Variants in QKI observed in about 807,000 individuals in gnomAD.
QKI encodes the protein QKI, KH domain containing RNA binding.
QKI carries 10 observed loss-of-function variants against 39.0 expected under a neutral mutation model. The ratio of observed to expected loss-of-function variants is 0.26; its 90% CI spans 0.16 to 0.43. The LOEUF is 0.43. Ranked by LOEUF, QKI falls within the 20% of genes least tolerant of loss-of-function variation. The pLI, the probability that QKI is intolerant of heterozygous loss-of-function variation, is 1.00. For synonymous variants in QKI, 204 were observed against 155.4 expected, an observed-to-expected ratio of 1.31 and a Z score of -2.33; for missense variants, 218 against 428.0, an observed-to-expected ratio of 0.51 and a Z score of 4.33.
chr6:163,483,512 C>G (rs1793240981), intron 3 of QKI, among the ~76,000 whole-genome samples: 1 of 152,142 alleles, frequency 6.6e-6, no homozygotes, highest in African/African-American at 2.4e-5. Context: ...GTCATTTCAA[C>G]AGTGTTCACT....
At chr6:163,489,304 G>A (rs1280701697) in intron 3 of QKI, among the ~76,000 whole-genome samples, 3 of 151,978 alleles carry the variant, frequency 2.0e-5, no homozygotes, top group African/African-American at 7.2e-5. Context: ...GTCTTAGGGT[G>A]ATGGTTTGCG....
intron 3 of QKI, among the ~76,000 whole-genome samples, chr6:163,516,225 G>A (rs1235335468): frequency 6.6e-6 from 1 of 152,154 alleles, no homozygotes; most frequent in Non-Finnish European, 1.5e-5. Context: ...ACCCCTCAGT[G>A]TCTACCTGTT....
intron 3 of QKI, among the ~76,000 whole-genome samples, chr6:163,493,389 A>G (rs774055403): frequency 6.6e-6 from 1 of 152,194 alleles, no homozygotes; most frequent in Non-Finnish European, 1.5e-5. Context: ...TCGGCCTCCC[A>G]AAGTGCTGGA....
At chr6:163,530,302 C>T (rs967099777) in intron 3 of QKI, among the ~76,000 whole-genome samples, 7 of 152,184 alleles carry the variant, frequency 4.6e-5, no homozygotes, top group Non-Finnish European at 1.0e-4. Flanking sequence ...CTTATTTCAA[C>T]CTTTTCTTTG....
chr6:163,540,639 GT>G (rs1562526011), intron 4 of QKI, among the ~76,000 whole-genome samples: 1 of 152,042 alleles, frequency 6.6e-6, no homozygotes, highest in Non-Finnish European at 1.5e-5. Context: ...AGTAATAAGG[GT>G]TTTGAGATAA....
intron 3 of QKI, among the ~76,000 whole-genome samples, chr6:163,519,680 C>T (rs540989773): frequency 1.3e-5 from 2 of 151,598 alleles, no homozygotes; most frequent in African/African-American, 2.4e-5. Flanking sequence ...TGTCTATGGT[C>T]GTTTTCAAAA....
chr6:163,424,517 T>G (rs1788259164), intron 1 of QKI, among the ~76,000 whole-genome samples: 1 of 152,234 alleles, frequency 6.6e-6, no homozygotes, highest in Non-Finnish European at 1.5e-5. Flanking sequence ...AACCTCAAGC[T>G]TCTTCATCTG....
At chr6:163,506,970 G>T (rs1779139093) in intron 3 of QKI, among the ~76,000 whole-genome samples, 1 of 152,102 alleles carries the variant, frequency 6.6e-6, no homozygotes, top group Admixed American at 6.5e-5. Context: ...CAAGCACATA[G>T]CTGTAAGCAA....
intron 7 of QKI, chr6:163,568,611 T>C (rs1783517971): frequency 1.0e-6 from 1 of 977,308 alleles, no homozygotes; most frequent in African/African-American, 1.8e-5. Context: ...ACTACTGTTT[T>C]CTCTATTTTT....
chr6:163,564,893 G>GT (rs559469858), intron 6 of QKI: 87 of 1,367,486 alleles, frequency 6.4e-5, no homozygotes, highest in East Asian at 2.9e-4. Context: ...ATCTTTTAAG[G>GT]TTTTTTTTCC....
rs77131308 is a variant in QKI, at chr6:163,539,627, A to T, written c.546+4502A>T. Among the ~76,000 whole-genome samples, 436 of 152,284 alleles carry T rather than the reference A, an allele frequency of 2.9e-3. 2 individuals carry two copies. The highest frequency in any genetic ancestry group is 9.7e-3 in the African/African-American group (404 of 41,556). On this transcript the variant is annotated intron_variant, in intron 4 of 7. Transcript: ENST00000361752. ...ATTTCCCTTCTCTTCAGTGGAAGAGATGCTGCATGAATTTGGCAGAGTTAA... is the reference window on the plus strand; with the variant it reads ...ATTTCCCTTCTCTTCAGTGGAAGAGTTGCTGCATGAATTTGGCAGAGTTAA...
intron 4 of QKI, among the ~76,000 whole-genome samples, chr6:163,560,972 CATG>C (rs1782958142): frequency 2.0e-5 from 3 of 152,156 alleles, no homozygotes; most frequent in Admixed American, 6.5e-5. Flanking sequence ...AGGTTTGAAG[CATG>C]GTTATTATTA....
chr6:163,517,136 T>C (rs949972738), intron 3 of QKI, among the ~76,000 whole-genome samples: 3 of 151,868 alleles, frequency 2.0e-5, no homozygotes, highest in Non-Finnish European at 2.9e-5. Context: ...TCCCTTATTA[T>C]GAGGAATTGG....
chr6:163,483,626 G>A (rs1793249805), intron 3 of QKI, among the ~76,000 whole-genome samples: 1 of 152,134 alleles, frequency 6.6e-6, no homozygotes, highest in Non-Finnish European at 1.5e-5. Context: ...CAGCAATTCA[G>A]TCACATCTTC....
chr6:163,556,202 T>C (rs1782595124), intron 4 of QKI, among the ~76,000 whole-genome samples: 2 of 152,208 alleles, frequency 1.3e-5, no homozygotes, highest in African/African-American at 4.8e-5. Flanking sequence ...TGTATCCTTT[T>C]AACATAGCTG....
chr6:163,536,077 T>A (rs1010584920), intron 4 of QKI, among the ~76,000 whole-genome samples: 3 of 152,216 alleles, frequency 2.0e-5, no homozygotes, highest in African/African-American at 7.2e-5. Context: ...ATTCAACAAG[T>A]AAACTCACAA....
chr6:163,562,823 T>C (rs1783116504), intron 5 of QKI, among the ~76,000 whole-genome samples: 1 of 152,242 alleles, frequency 6.6e-6, no homozygotes, highest in African/African-American at 2.4e-5. Flanking sequence ...GTAGTTACTT[T>C]ACAAATTGTT....
chr6:163,503,793 G>A (rs1220924809), intron 3 of QKI, among the ~76,000 whole-genome samples: 2 of 152,056 alleles, frequency 1.3e-5, no homozygotes, highest in South Asian at 2.1e-4. Context: ...AGGCTGGAGT[G>A]CAGTGGCTCG....
intron 7 of QKI, 126 bp from the exon 8 acceptor site, chr6:163,570,568 T>C: frequency 6.6e-7 from 1 of 1,508,630 alleles, no homozygotes; most frequent in Non-Finnish European, 8.8e-7. Context: ...TAAACATGCT[T>C]TTTTTTTTAT....
Sources: gnomAD v4.1 joint callset for allele counts (sites outside exome capture counted in the v4.1 genomes callset) on GRCh38, gnomAD v4.1.1 for gene constraint, MANE v1.5 for transcripts, NCBI Gene and HGNC (gene_info 2026-07-23, HGNC 2026-07-21) for gene names.